Variants in NCKAP5 observed in about 807,000 individuals in gnomAD.
The protein encoded by NCKAP5 is nck-associated protein 5.
NCKAP5 carries 92 observed loss-of-function variants against 167.0 expected under a neutral mutation model. The ratio of observed to expected loss-of-function variants is 0.55; its 90% CI spans 0.47 to 0.66. The LOEUF (loss-of-function observed/expected upper bound fraction) is 0.66. Ranked by LOEUF, NCKAP5 falls within the 30% of genes least tolerant of loss-of-function variation. NCKAP5 has a pLI of 0.00. For synonymous variants in NCKAP5, 891 were observed against 877.4 expected, an observed-to-expected ratio of 1.02 and a Z score of -0.27; for missense variants, 2,378 against 2,315.0, an observed-to-expected ratio of 1.03 and a Z score of -0.56.
chr2:132,691,546 G>T (rs1163941214), intron 19 of NCKAP5, among the ~76,000 whole-genome samples: 1 of 152,022 alleles, frequency 6.6e-6, no homozygotes, highest in African/African-American at 2.4e-5. Context: ...GATTAGTCAC[G>T]TTTCAGTGTT....
chr2:132,848,356 A>C (rs1688822353), intron 11 of NCKAP5, among the ~76,000 whole-genome samples: 1 of 152,188 alleles, frequency 6.6e-6, no homozygotes, highest in Admixed American at 6.5e-5. Context: ...TCTTGTTTTT[A>C]TGGCAAATTC....
chr2:133,618,514 C>T, the NCKAP5 span, among the ~76,000 whole-genome samples: 1 of 146,150 alleles, frequency 6.8e-6, no homozygotes, highest in East Asian at 2.0e-4. Flanking sequence ...AGACACTTCT[C>T]AAAAGAAGAC....
At chr2:133,063,251 A>T (rs1322741013) in intron 6 of NCKAP5, among the ~76,000 whole-genome samples, 1 of 152,228 alleles carries the variant, frequency 6.6e-6, no homozygotes, top group Non-Finnish European at 1.5e-5. Flanking sequence ...TGAAATGGAG[A>T]CATGATTCCA....
intron 6 of NCKAP5, among the ~76,000 whole-genome samples, chr2:133,020,126 C>T (rs2078474406): frequency 6.6e-6 from 1 of 152,198 alleles, no homozygotes; most frequent in African/African-American, 2.4e-5. Context: ...ATGCATCTGC[C>T]ACATATTAAG....
At chr2:133,608,965 T>C in the NCKAP5 span, among the ~76,000 whole-genome samples, 2 of 152,244 alleles carry the variant, frequency 1.3e-5, no homozygotes, top group East Asian at 3.8e-4. Flanking sequence ...TTCATGTATT[T>C]TCAAGTCTTG....
chr2:133,107,305 C>T (rs1482989545), intron 6 of NCKAP5, among the ~76,000 whole-genome samples: 3 of 152,120 alleles, frequency 2.0e-5, no homozygotes, highest in Non-Finnish European at 4.4e-5. Context: ...GGCTGCATGT[C>T]GAGTCATGGT....
At chr2:132,696,213 C>T (rs894635692) in intron 19 of NCKAP5, among the ~76,000 whole-genome samples, 6 of 152,196 alleles carry the variant, frequency 3.9e-5, no homozygotes, top group African/African-American at 1.4e-4. Flanking sequence ...TTCATGGCTT[C>T]TATTTTGCAG....
At chr2:132,892,700 C>G (rs1218305113) in intron 8 of NCKAP5, among the ~76,000 whole-genome samples, 1 of 152,004 alleles carries the variant, frequency 6.6e-6, no homozygotes, top group Non-Finnish European at 1.5e-5. Flanking sequence ...TTGAAGGCCC[C>G]CAAACTCTGA....
At chr2:132,876,630 C>G (rs981524197) in intron 9 of NCKAP5, among the ~76,000 whole-genome samples, 1 of 152,132 alleles carries the variant, frequency 6.6e-6, no homozygotes, top group Non-Finnish European at 1.5e-5. Flanking sequence ...ATAAAACAAC[C>G]TGCATGTGTA....
At chr2:132,810,338 T>G (rs1414837301) in intron 11 of NCKAP5, among the ~76,000 whole-genome samples, 1 of 152,194 alleles carries the variant, frequency 6.6e-6, no homozygotes, top group South Asian at 2.1e-4. Flanking sequence ...GCCAGGAAAG[T>G]TTTCCTGGAT....
chr2:133,019,346 C>A (rs2078448788), intron 6 of NCKAP5, among the ~76,000 whole-genome samples: 1 of 151,886 alleles, frequency 6.6e-6, no homozygotes, highest in South Asian at 2.1e-4. Flanking sequence ...TAAAGAGAAG[C>A]AAAGAGGAGG....
intron 8 of NCKAP5, among the ~76,000 whole-genome samples, chr2:132,927,379 T>C (rs1695987825): frequency 6.6e-6 from 1 of 151,962 alleles, no homozygotes; most frequent in Non-Finnish European, 1.5e-5. Context: ...TTTTAGGATT[T>C]TTTTTTCCCA....
chr2:133,158,797 C>A (rs976642266), intron 5 of NCKAP5, among the ~76,000 whole-genome samples: 6 of 152,052 alleles, frequency 3.9e-5, no homozygotes, highest in Middle Eastern at 3.4e-3. Context: ...CATTGATTAC[C>A]CATCATTCAA....
chr2:133,484,706 A>T (rs1350872395), intron 3 of NCKAP5, among the ~76,000 whole-genome samples: 1 of 152,230 alleles, frequency 6.6e-6, no homozygotes. Flanking sequence ...ATACTATATA[A>T]AATTACCTTC....
At chr2:132,713,151 CAA>C (rs34379076) in intron 19 of NCKAP5, among the ~76,000 whole-genome samples, 14 of 142,870 alleles carry the variant, frequency 9.8e-5, no homozygotes, top group East Asian at 4.0e-4. Flanking sequence ...GAAAGATGAA[CAA>C]AAAAAAAAAT....
the NCKAP5 span, among the ~76,000 whole-genome samples, chr2:133,659,103 C>A: frequency 6.6e-6 from 1 of 151,986 alleles, no homozygotes; most frequent in Non-Finnish European, 1.5e-5. Context: ...AAATTAAATT[C>A]TACTTCTTCT....
chr2:132,809,067 T>A (rs1685657827), intron 11 of NCKAP5, among the ~76,000 whole-genome samples: 1 of 152,174 alleles, frequency 6.6e-6, no homozygotes, highest in African/African-American at 2.4e-5. Context: ...TCCACGTATT[T>A]GCATGGTTTT....
At chr2:132,887,244 T>A (rs1202661223) in intron 8 of NCKAP5, among the ~76,000 whole-genome samples, 3 of 152,156 alleles carry the variant, frequency 2.0e-5, no homozygotes, top group African/African-American at 4.8e-5. Flanking sequence ...ATGACTGTGG[T>A]GGTTGCCAAA....
At chr2:133,646,360 A>T in the NCKAP5 span, among the ~76,000 whole-genome samples, 119 of 152,276 alleles carry the variant, frequency 7.8e-4, no homozygotes, top group African/African-American at 2.8e-3. Context: ...CTTGTCACAT[A>T]CAAGGGAAAC....
Sources: allele counts gnomAD v4.1 joint callset (sites outside exome capture counted in the v4.1 genomes callset), GRCh38; gene constraint gnomAD v4.1.1; transcripts MANE v1.5; gene names NCBI Gene and HGNC (gene_info 2026-07-23, HGNC 2026-07-21).